The following HS6ST3 variants were observed in gnomAD, a reference collection of about 807,000 sequenced individuals.
HS6ST3 encodes heparan sulfate 6-O-sulfotransferase 3.
HS6ST3 carries 12 observed loss-of-function variants against 36.7 expected under a neutral mutation model. The ratio of observed to expected loss-of-function variants is 0.33; its 90% CI spans 0.21 to 0.53. The LOEUF (loss-of-function observed/expected upper bound fraction) is 0.53. HS6ST3 is among the 20% of genes least tolerant of loss of function. HS6ST3 has a pLI of 0.95. For synonymous variants in HS6ST3, 240 were observed against 257.5 expected (o/e 0.93, Z 0.65); for missense variants, 584 against 640.9 (o/e 0.91, Z 0.96).
intron 1 of HS6ST3, among the ~76,000 whole-genome samples, chr13:96,371,338 A>G (rs1263145506): frequency 6.6e-6 from 1 of 151,972 alleles, no homozygotes; most frequent in Non-Finnish European, 1.5e-5. Context: ...TAAAATTGAC[A>G]AATAAAAATT....
At chr13:96,181,191 T>G (rs2054238195) in intron 1 of HS6ST3, among the ~76,000 whole-genome samples, 1 of 152,168 alleles carries the variant, frequency 6.6e-6, no homozygotes, top group African/African-American at 2.4e-5. Context: ...TTCTAGGATA[T>G]TTGGTACTAG....
chr13:96,392,008 T>A (rs1410661789), intron 1 of HS6ST3, among the ~76,000 whole-genome samples: 2 of 152,232 alleles, frequency 1.3e-5, no homozygotes, highest in Non-Finnish European at 2.9e-5. Flanking sequence ...GATACATTAT[T>A]ACAATGCATT....
chr13:96,128,282 T>C (rs1430027799), intron 1 of HS6ST3, among the ~76,000 whole-genome samples: 1 of 152,232 alleles, frequency 6.6e-6, no homozygotes, highest in African/African-American at 2.4e-5. Context: ...TGTTTGGTTC[T>C]GTCCTGTGAG....
At chr13:96,161,401 A>T (rs2054135161) in intron 1 of HS6ST3, among the ~76,000 whole-genome samples, 1 of 152,156 alleles carries the variant, frequency 6.6e-6, no homozygotes, top group African/African-American at 2.4e-5. Context: ...GAAACGTGAA[A>T]TTGCATAGAT....
chr13:96,175,404 A>T (rs529720712), intron 1 of HS6ST3, among the ~76,000 whole-genome samples: 13 of 151,604 alleles, frequency 8.6e-5, no homozygotes, highest in Admixed American at 7.2e-4. Context: ...TTTATCTTTG[A>T]TATGTGAAGT....
At chr13:96,213,649 A>C in intron 1 of HS6ST3, among the ~76,000 whole-genome samples, 1 of 152,104 alleles carries the variant, frequency 6.6e-6, no homozygotes, top group East Asian at 1.9e-4. Context: ...CCACATTAAC[A>C]GTGCCTCTTT....
rs1294808103 is a variant in HS6ST3, at chr13:96,091,522, G to T, written c.660G>T (p.Pro220=). 4 of 1,593,114 alleles carry T rather than the reference G, an allele frequency of 2.5e-6. No homozygotes were observed. The highest frequency in any genetic ancestry group is 3.4e-6 in the Non-Finnish European group (4 of 1,173,412). The change falls in exon 1 of 2, where the codon CCG becomes CCT. Residue 220 remains proline, a synonymous_variant. Transcript: ENST00000376705. The part of the protein sequence containing the change: ...ADWTELTNCV[P]AIMEKKDCPR... Reference sequence around the variant, plus strand: ...GGACGGAGCTCACCAACTGCGTGCCGGCCATCATGGAGAAGAAGGACTGTC... The same window carrying T: ...GGACGGAGCTCACCAACTGCGTGCCTGCCATCATGGAGAAGAAGGACTGTC...
intron 1 of HS6ST3, among the ~76,000 whole-genome samples, chr13:96,518,065 G>A (rs1052314048): frequency 1.3e-5 from 2 of 152,106 alleles, no homozygotes; most frequent in African/African-American, 2.4e-5. Context: ...GCAGGAACAT[G>A]ATGGAGCTGG....
chr13:96,296,947 CTAGTT>C (rs2054857748), intron 1 of HS6ST3, among the ~76,000 whole-genome samples: 2 of 152,054 alleles, frequency 1.3e-5, no homozygotes, highest in African/African-American at 4.8e-5. Flanking sequence ...TTTGTGGTCT[CTAGTT>C]TGTCTCCTCT....
Position 96,467,671 on chromosome 13 carries a change from T to C in HS6ST3, c.708-364819T>C, listed in dbSNP as rs547147037. ...TGATAACCACAGCATTAATCTAGCA[T>C]TTCCTGTATGATAACCATTCTTCAC... On this transcript the variant is annotated intron_variant, in intron 1 of 1. Coordinates refer to ENST00000376705, the MANE Select transcript of HS6ST3 (RefSeq NM_153456.4). Among the ~76,000 whole-genome samples the C allele has an allele frequency of 3.3e-5, 5 of 152,326 alleles. No individual in the cohort carries two copies. In the East Asian group the frequency reaches 9.6e-4, roughly 29 times the overall value.
At chr13:96,273,053 G>T (rs2054729064) in intron 1 of HS6ST3, among the ~76,000 whole-genome samples, 1 of 151,860 alleles carries the variant, frequency 6.6e-6, no homozygotes. Flanking sequence ...TAAAATAATA[G>T]AATTGAATCT....
At chr13:96,521,035 G>GT (rs1188129038) in intron 1 of HS6ST3, among the ~76,000 whole-genome samples, 1 of 152,054 alleles carries the variant, frequency 6.6e-6, no homozygotes, top group Non-Finnish European at 1.5e-5. Context: ...TAGATAACTA[G>GT]TTTTTTGAGT....
intron 1 of HS6ST3, among the ~76,000 whole-genome samples, chr13:96,161,462 G>T (rs901152953): frequency 1.3e-5 from 2 of 152,148 alleles, no homozygotes; most frequent in African/African-American, 4.8e-5. Context: ...GAGATGCAGT[G>T]AGAAATAGGT....
chr13:96,484,936 C>T (rs560704845), intron 1 of HS6ST3, among the ~76,000 whole-genome samples: 1 of 152,080 alleles, frequency 6.6e-6, no homozygotes, highest in Non-Finnish European at 1.5e-5. Flanking sequence ...ATGGCTGTAC[C>T]AGTTTGCATT....
At chr13:96,274,615 C>T (rs1279862403) in intron 1 of HS6ST3, among the ~76,000 whole-genome samples, 1 of 152,008 alleles carries the variant, frequency 6.6e-6, no homozygotes, top group African/African-American at 2.4e-5. Context: ...AAAAGTCTCA[C>T]ATTTGGAAAC....
chr13:96,609,491 A>G (rs2056450181), intron 1 of HS6ST3, among the ~76,000 whole-genome samples: 1 of 152,136 alleles, frequency 6.6e-6, no homozygotes, highest in Non-Finnish European at 1.5e-5. Flanking sequence ...GACACTGTAA[A>G]GTGTTTCCAG....
At chr13:96,789,193 G>C (rs1877722472) in intron 1 of HS6ST3, among the ~76,000 whole-genome samples, 1 of 151,374 alleles carries the variant, frequency 6.6e-6, no homozygotes, top group Non-Finnish European at 1.5e-5. Context: ...TTGATTTTTA[G>C]TGTTTGTCTA....
In HS6ST3 at chr13:96,568,336, A is replaced by G. The variant is rs1024357686; in HGVS notation, c.708-264154A>G. 5.3e-5 allele frequency among the ~76,000 whole-genome samples: 8 copies of G among 152,272 alleles called. No homozygotes were observed. The East Asian group carries it at 5.8e-4, about 11-fold the overall frequency. On this transcript the variant is annotated intron_variant, in intron 1 of 1. Coordinates refer to ENST00000376705, the MANE Select transcript of HS6ST3 (RefSeq NM_153456.4). ...GGCTGGAGTTCAATGGCACGATCTC[A>G]GCTCACTGCAACCTCTGCCTCCTGG...
At chr13:96,270,307 A>G (rs1484462712) in intron 1 of HS6ST3, among the ~76,000 whole-genome samples, 1 of 151,882 alleles carries the variant, frequency 6.6e-6, no homozygotes, top group African/African-American at 2.4e-5. Flanking sequence ...GGACTGTGAG[A>G]AATAATTTCT....
Sources: allele counts gnomAD v4.1 joint callset (sites outside exome capture counted in the v4.1 genomes callset), GRCh38; gene constraint gnomAD v4.1.1; transcripts MANE v1.5; gene names NCBI Gene and HGNC (gene_info 2026-07-23, HGNC 2026-07-21).